The following MSH3 variants were observed in gnomAD, a reference collection of about 807,000 sequenced individuals.
MSH3 encodes the protein DNA mismatch repair protein Msh3.
A neutral mutation model predicts 123.3 loss-of-function variants in MSH3; 106 were observed. The observed-to-expected ratio is 0.86, with a 90% CI of 0.73 to 1.01. The LOEUF (loss-of-function observed/expected upper bound fraction) is 1.01. MSH3 is among the 50% of genes least tolerant of loss of function. MSH3 has a pLI of 0.00. For synonymous variants in MSH3, 515 were observed against 481.4 expected (o/e 1.07, Z -0.91); for missense variants, 1,459 against 1,347.6 (o/e 1.08, Z -1.29).
At chr5:80,664,394 A>G (rs1489447297) in intron 2 of MSH3, among the ~76,000 whole-genome samples, 2 of 152,142 alleles carry the variant, frequency 1.3e-5, no homozygotes, top group Non-Finnish European at 2.9e-5. Context: ...GAGTCCTCCC[A>G]GCTTCTGCCT....
chr5:80,690,564 C>A (rs750973020), intron 8 of MSH3, among the ~76,000 whole-genome samples: 1 of 152,104 alleles, frequency 6.6e-6, no homozygotes, highest in Admixed American at 6.6e-5. Context: ...ATGATCCGTC[C>A]GCCTTGGCCT....
At chr5:80,789,934 G>T (rs1349124749) in intron 18 of MSH3, among the ~76,000 whole-genome samples, 1 of 151,944 alleles carries the variant, frequency 6.6e-6, no homozygotes. Context: ...TAAAACAATG[G>T]GATAACGCTG....
At chr5:80,823,700 G>GTTTT (rs1323318973) in intron 20 of MSH3, among the ~76,000 whole-genome samples, 1 of 151,364 alleles carries the variant, frequency 6.6e-6, no homozygotes, top group East Asian at 1.9e-4. Flanking sequence ...GTTTTGTTTT[G>GTTTT]TTTTGTTTTG....
At chr5:80,833,338 T>G (rs1280990604) in intron 20 of MSH3, among the ~76,000 whole-genome samples, 1 of 152,208 alleles carries the variant, frequency 6.6e-6, no homozygotes. Flanking sequence ...TAATAACATA[T>G]GCTGTGGAAT....
At chr5:80,661,437 A>T (rs1483658926) in intron 2 of MSH3, among the ~76,000 whole-genome samples, 2 of 151,948 alleles carry the variant, frequency 1.3e-5, no homozygotes, top group Non-Finnish European at 2.9e-5. Context: ...TCTGCTGTAA[A>T]TCTCGTTTAA....
At chr5:80,832,747 A>G (rs548295921) in intron 20 of MSH3, among the ~76,000 whole-genome samples, 26 of 152,028 alleles carry the variant, frequency 1.7e-4, no homozygotes, top group African/African-American at 5.8e-4. Context: ...TATATATATC[A>G]TAATTTTTAA....
At position 80,656,492 on chromosome 5, in the gene MSH3, A is replaced by G. The variant is rs774681075; in HGVS notation, c.319A>G (p.Lys107Glu). Residue 107 changes from lysine (K) to glutamate (E), a missense_variant, in exon 2 of 24, where the codon AAG (lysine) becomes GAG (glutamate). By Grantham distance (56) the Lys-to-Glu change is moderately conservative. Coordinates refer to ENST00000265081, the MANE Select transcript of MSH3 (RefSeq NM_002439.5). ...VKKKVKKVQQ[K>E]EGGSDLGMSG... Reference sequence around the variant, plus strand: ...AAAGAAAGTAAAGAAAGTCCAACAAAAGGAAGGAGGAAGTGATCTGGGAAT... The same window carrying G: ...AAAGAAAGTAAAGAAAGTCCAACAAGAGGAAGGAGGAAGTGATCTGGGAAT... 4 of 1,614,184 alleles carry G rather than the reference A, an allele frequency of 2.5e-6. No homozygotes were observed. In the South Asian group the frequency reaches 3.3e-5, roughly 13 times the overall value.
At position 80,654,894 on chromosome 5, in the gene MSH3, C is replaced by A. The variant is rs1289418176; in HGVS notation, c.167C>A (p.Ala56Glu). Residue 56 changes from alanine (A) to glutamate (E), a missense_variant, in exon 1 of 24, where the codon GCG (alanine) becomes GAG (glutamate). By Grantham distance (107) the Ala-to-Glu change is moderately radical. Transcript: ENST00000265081. ...GACCCTGGCGCTGCAGCGGCTGCAG[C>A]GGCCGCAGCGGCCGCAGCGCCCCCA... ...QVDPGAAAAA[A>E]AAAAAAPPAP... 1.2e-6 allele frequency: 1 copy of A among 818,664 alleles called. No homozygotes were observed. The highest frequency in any genetic ancestry group is 3.0e-5 in the African/African-American group (1 of 33,228). 50.7% of individuals were successfully genotyped at this position (818,664 alleles called of 1,614,324 possible).
At chr5:80,746,543 C>A in intron 12 of MSH3, 1 of 440,934 alleles carries the variant, frequency 2.3e-6, no homozygotes. Context: ...ATTCCTTGAT[C>A]GACTTTCAGG....
intron 12 of MSH3, among the ~76,000 whole-genome samples, chr5:80,758,080 G>C (rs1441486324): frequency 1.3e-5 from 2 of 152,124 alleles, no homozygotes; most frequent in Admixed American, 6.5e-5. Context: ...GCAACCTACT[G>C]TCCAGTCTCA....
chr5:80,787,417 G>A (rs758440262), intron 17 of MSH3, 148 bp from the exon 18 acceptor site: 4 of 706,978 alleles, frequency 5.7e-6, no homozygotes, highest in African/African-American at 1.7e-5. Context: ...GCTGTTTGGT[G>A]TAATCTCCAT....
chr5:80,843,029 T>C (rs1745654571), intron 20 of MSH3, among the ~76,000 whole-genome samples: 1 of 152,174 alleles, frequency 6.6e-6, no homozygotes, highest in African/African-American at 2.4e-5. Context: ...AGTATGATAT[T>C]GGCTGTGGGT....
At chr5:80,746,721 C>A in intron 12 of MSH3, 1 of 385,712 alleles carries the variant, frequency 2.6e-6, no homozygotes, top group South Asian at 2.3e-5. Flanking sequence ...ATCATCCATT[C>A]TCATATCTTC....
Position 80,761,600 on chromosome 5 carries a change from T to C in MSH3, c.1818T>C (p.Ser606=), listed in dbSNP as rs1580027548. The part of the protein sequence containing the change: ...AVSEVLHSES[S]VFGQIENHLR... ...CGGAAGTTCTCCATTCAGAATCTAG[T>C]GTGTTTGGTCAGATAGAAAATCATC... The change falls in exon 13 of 24, where the codon AGT becomes AGC. Residue 606 remains serine (S), a synonymous_variant. Coordinates refer to ENST00000265081, the MANE Select transcript of MSH3 (RefSeq NM_002439.5). 1.2e-6 allele frequency: 2 copies of C among 1,614,140 alleles called. No individual in the cohort carries two copies. The highest frequency in any genetic ancestry group is 2.2e-5 in the East Asian group (1 of 44,886).
At chr5:80,817,420 A>G (rs928927363) in intron 20 of MSH3, among the ~76,000 whole-genome samples, 1 of 152,176 alleles carries the variant, frequency 6.6e-6, no homozygotes, top group Admixed American at 6.5e-5. Flanking sequence ...GGGTTAGTAC[A>G]GGTGATACTG....
intron 6 of MSH3, among the ~76,000 whole-genome samples, chr5:80,674,382 G>C (rs1366640406): frequency 3.3e-5 from 5 of 152,044 alleles, no homozygotes; most frequent in Admixed American, 3.3e-4. Context: ...AAATTGTCTT[G>C]CTATATCTGG....
intron 22 of MSH3, among the ~76,000 whole-genome samples, chr5:80,871,682 G>A (rs1746217559): frequency 6.6e-6 from 1 of 152,134 alleles, no homozygotes; most frequent in South Asian, 2.1e-4. Flanking sequence ...CTCAGAGCAG[G>A]CAGGCAACAA....
chr5:80,705,219 T>C (rs1176916630), intron 8 of MSH3, among the ~76,000 whole-genome samples: 1 of 152,262 alleles, frequency 6.6e-6, no homozygotes, highest in African/African-American at 2.4e-5. Context: ...ATATTCTGTA[T>C]ACTAACAGTC....
In MSH3 at chr5:80,873,267, A is replaced by G. The variant is rs751325490; in HGVS notation, c.3282A>G (p.Glu1094=). 6.2e-6 allele frequency: 10 copies of G among 1,613,852 alleles called. No individual in the cohort carries two copies. In the East Asian group the frequency reaches 8.9e-5, roughly 14 times the overall value. Residue 1094 remains glutamate, a synonymous_variant, in exon 23 of 24, where the codon GAA becomes GAG. Transcript: ENST00000265081. ...CAGCTCACAAGTCAAAAGAGCTGGA[A>G]GGATTAATAAATACGAAAAGGTCAG... is the stretch of plus-strand genomic sequence containing the variant. ...KKAAHKSKEL[E]GLINTKRKRL... is the part of the protein sequence containing the mutation.
Sources: allele counts gnomAD v4.1 joint callset (sites outside exome capture counted in the v4.1 genomes callset), GRCh38; gene constraint gnomAD v4.1.1; transcripts MANE v1.5; gene names NCBI Gene and HGNC (gene_info 2026-07-23, HGNC 2026-07-21).